ZMAT4: variants seen among roughly 807,000 people sequenced by gnomAD.
ZMAT4 encodes zinc finger matrin-type protein 4.
In ZMAT4, 17 loss-of-function variants were observed where a neutral mutation model predicts 28.7. The observed-to-expected ratio is 0.59, with a 90% confidence interval of 0.41 to 0.89. ZMAT4 has a LOEUF of 0.89. Among genes scored for constraint, ZMAT4 ranks in the 40% least tolerant of loss-of-function variants. ZMAT4 has a pLI of 0.00. For synonymous variants in ZMAT4, 117 were observed against 109.2 expected (o/e 1.07, Z -0.44); for missense variants, 240 against 283.8 (o/e 0.85, Z 1.11).
intron 2 of ZMAT4, among the ~76,000 whole-genome samples, chr8:40,777,001 C>A (rs1281619929): frequency 2.0e-5 from 3 of 151,492 alleles, no homozygotes; most frequent in Non-Finnish European, 4.4e-5. Flanking sequence ...GTCCAGCCTG[C>A]TGTACAATCA....
intron 1 of ZMAT4, among the ~76,000 whole-genome samples, chr8:40,830,078 G>A (rs907969561): frequency 6.6e-6 from 1 of 152,184 alleles, no homozygotes; most frequent in Non-Finnish European, 1.5e-5. Context: ...AGGCAGATAT[G>A]AAACCTTCCT....
chr8:40,543,470 T>A (rs1803106201), intron 6 of ZMAT4, among the ~76,000 whole-genome samples: 1 of 152,094 alleles, frequency 6.6e-6, no homozygotes, highest in Non-Finnish European at 1.5e-5. Context: ...TCCACCCTGA[T>A]CCCCCACCCC....
intron 2 of ZMAT4, among the ~76,000 whole-genome samples, chr8:40,773,667 A>C (rs953227568): frequency 6.6e-6 from 1 of 152,204 alleles, no homozygotes; most frequent in African/African-American, 2.4e-5. Context: ...TAAAAGCTGA[A>C]AGATGAGATA....
chr8:40,683,168 A>G (rs1401841628), intron 4 of ZMAT4, among the ~76,000 whole-genome samples: 3 of 152,218 alleles, frequency 2.0e-5, no homozygotes, highest in African/African-American at 7.2e-5. Context: ...TGTAACTTAC[A>G]TAAGAGAAGA....
Position 40,661,399 on chromosome 8 carries a change from C to T in ZMAT4, c.577+13305G>A, listed in dbSNP as rs545903322. On this transcript the variant is annotated intron_variant, in intron 5 of 6. Transcript: ENST00000297737. Reference sequence around the variant, plus strand: ...ACCGGCATCAGCCATCATGCCCAGCCGGTGTTTATTAAATATTAGTCAAAA... The same window carrying T: ...ACCGGCATCAGCCATCATGCCCAGCTGGTGTTTATTAAATATTAGTCAAAA... Among the ~76,000 whole-genome samples, 6 of 152,204 alleles carry T rather than the reference C, an allele frequency of 3.9e-5. No homozygotes were observed. In the East Asian group the frequency reaches 5.8e-4, roughly 15 times the overall value.
chr8:40,832,738 G>A (rs1336535805), intron 1 of ZMAT4, among the ~76,000 whole-genome samples: 1 of 152,210 alleles, frequency 6.6e-6, no homozygotes, highest in Non-Finnish European at 1.5e-5. Context: ...CAGACAGGAG[G>A]CCTTCCGCTG....
At chr8:40,549,084 A>G (rs994933526) in intron 6 of ZMAT4, among the ~76,000 whole-genome samples, 1 of 152,140 alleles carries the variant, frequency 6.6e-6, no homozygotes, top group East Asian at 1.9e-4. Flanking sequence ...TGGAGGCCTT[A>G]TAAACCAGGC....
chr8:40,816,392 A>T (rs911719284), intron 2 of ZMAT4, among the ~76,000 whole-genome samples: 1 of 150,990 alleles, frequency 6.6e-6, no homozygotes, highest in Admixed American at 6.6e-5. Flanking sequence ...GGAAGAAAGA[A>T]TTTTTTTTTT....
At chr8:40,587,286 T>G (rs1296415613) in intron 5 of ZMAT4, among the ~76,000 whole-genome samples, 1 of 152,078 alleles carries the variant, frequency 6.6e-6, no homozygotes, top group Non-Finnish European at 1.5e-5. Context: ...AGAGGTCTTC[T>G]GGTGGAGGGG....
At chr8:40,867,115 T>G (rs934882809) in intron 1 of ZMAT4, among the ~76,000 whole-genome samples, 4 of 152,162 alleles carry the variant, frequency 2.6e-5, no homozygotes, top group African/African-American at 9.7e-5. Flanking sequence ...TTGCAATGGA[T>G]TTCCCCCTAG....
intron 5 of ZMAT4, among the ~76,000 whole-genome samples, chr8:40,632,357 A>G (rs752154295): frequency 6.6e-6 from 1 of 152,142 alleles, no homozygotes; most frequent in Non-Finnish European, 1.5e-5. Flanking sequence ...TCCCCTCCTT[A>G]TTACTAGTTG....
chr8:40,633,263 A>G lies in ZMAT4; in HGVS notation c.577+41441T>C, dbSNP rs76636958. Among the ~76,000 whole-genome samples, 504 of 150,960 alleles carry G rather than the reference A, an allele frequency of 3.3e-3. 2 individuals are homozygous for G. Among genetic ancestry groups the G allele is most frequent in the South Asian group, 0.013 (61 of 4,726 alleles). On this transcript the variant is annotated intron_variant, in intron 5 of 6. Transcript: ENST00000297737. ...TTATTAACCCCACATTCATCCCTCA[A>G]ATCTACACTTTTGAGCTGACCAAAA...
chr8:40,658,619 TACACACACAC>T (rs3038825), intron 5 of ZMAT4, among the ~76,000 whole-genome samples: 12,858 of 145,394 alleles, frequency 0.088, 649 homozygotes, highest in Non-Finnish European at 0.13. Context: ...GTTAGACACA[TACACACACAC>T]ACACACACAC....
chr8:40,794,938 AGAG>A lies in ZMAT4; in HGVS notation c.103-27211_103-27209del, dbSNP rs546528254. ...AATGGAATCTCATTTTCCTGACAGC[AGAG>A]GAGGACTAGATGGCCCTGGAAGCTC... On this transcript the variant is annotated intron_variant, in intron 2 of 6. Transcript: ENST00000297737. Among the ~76,000 whole-genome samples the A allele has an allele frequency of 5.1e-4, 78 of 152,250 alleles. 2 individuals are homozygous for A. The East Asian group carries it at 0.014, about 27-fold the overall frequency.
intron 1 of ZMAT4, among the ~76,000 whole-genome samples, chr8:40,845,996 C>T (rs1333301623): frequency 3.9e-5 from 6 of 152,060 alleles, no homozygotes; most frequent in Non-Finnish European, 8.8e-5. Context: ...AAGGTTTGGA[C>T]TTCAGCCTCT....
intron 3 of ZMAT4, among the ~76,000 whole-genome samples, chr8:40,712,302 T>G (rs534930127): frequency 3.9e-5 from 6 of 152,320 alleles, no homozygotes; most frequent in African/African-American, 1.4e-4. Context: ...AATAAGCTAC[T>G]GTTTTTATTA....
chr8:40,824,080 G>T (rs1183494747), intron 2 of ZMAT4, among the ~76,000 whole-genome samples: 1 of 152,152 alleles, frequency 6.6e-6, no homozygotes, highest in Non-Finnish European at 1.5e-5. Flanking sequence ...GTGCGTATGT[G>T]TGTGTGTTAT....
intron 6 of ZMAT4, among the ~76,000 whole-genome samples, chr8:40,542,356 C>T (rs552922480): frequency 2.6e-5 from 4 of 151,892 alleles, no homozygotes; most frequent in Admixed American, 6.6e-5. Context: ...TATGATCATC[C>T]GATTTTTAAT....
intron 4 of ZMAT4, among the ~76,000 whole-genome samples, chr8:40,684,385 C>G (rs1296195901): frequency 6.6e-6 from 1 of 152,194 alleles, no homozygotes; most frequent in Non-Finnish European, 1.5e-5. Flanking sequence ...GCTTCCCTGA[C>G]AGGAACTGGT....
Sources: gnomAD v4.1 joint callset for allele counts (sites outside exome capture counted in the v4.1 genomes callset) on GRCh38, gnomAD v4.1.1 for gene constraint, MANE v1.5 for transcripts, NCBI Gene and HGNC (gene_info 2026-07-23, HGNC 2026-07-21) for gene names.